DNMT3B: variants seen among roughly 807,000 people sequenced by gnomAD.
The protein encoded by DNMT3B is DNA (cytosine-5)-methyltransferase 3B.
DNMT3B carries 37 observed loss-of-function variants against 120.2 expected under a neutral mutation model. The ratio of observed to expected loss-of-function variants is 0.31; its 90% CI spans 0.24 to 0.40. The LOEUF is 0.40. DNMT3B is among the 10% of genes least tolerant of loss of function. The pLI is 1.00. For missense variants in DNMT3B, 878 were observed against 1,137.3 expected (o/e 0.77, Z 3.28); for synonymous variants, 412 against 442.8 (o/e 0.93, Z 0.87).
rs150944227 is a variant in DNMT3B, at chr20:32,801,136, C to G, written c.1997-142C>G. 5.0e-4 allele frequency: 655 copies of G among 1,314,004 alleles called. 6 individuals carry two copies. The highest frequency in any genetic ancestry group is 2.5e-3 in the South Asian group (207 of 81,486). The allele number at this position is 1,314,004 out of a possible 1,614,324, so 81.4% of individuals were successfully genotyped here. On this transcript the variant is annotated intron_variant, in intron 18 of 22. Transcript: ENST00000328111. ...TGCCCTGCTGCTGCCTGTGTCCCTG[C>G]TGTCATTCAGGTGGACATAGACTGG...
At chr20:32,795,584 C>A (rs1319024802) in intron 11 of DNMT3B, 50 bp downstream of exon 11, 2 of 1,614,148 alleles carry the variant, frequency 1.2e-6, no homozygotes, top group Admixed American at 1.7e-5. Flanking sequence ...GAGGACGCTG[C>A]AGATCAGGAA....
chr20:32,766,918 TTCGCTCTTG>T (rs1022260638), intron 1 of DNMT3B, among the ~76,000 whole-genome samples: 1 of 151,844 alleles, frequency 6.6e-6, no homozygotes, highest in Non-Finnish European at 1.5e-5. Context: ...GAGATGGAGT[TTCGCTCTTG>T]TCGCCCAGGT....
chr20:32,769,005 G>A (rs1008133143), intron 1 of DNMT3B, among the ~76,000 whole-genome samples: 16 of 152,170 alleles, frequency 1.1e-4, no homozygotes, highest in African/African-American at 3.9e-4. Flanking sequence ...GCTGAATTAG[G>A]GGAATTGCTC....
Position 32,788,212 on chromosome 20 carries a change from C to T in DNMT3B, c.655-642C>T, listed in dbSNP as rs538595520. Among the ~76,000 whole-genome samples the T allele has an allele frequency of 5.8e-4, 89 of 152,290 alleles. 1 individual carries two copies. The highest frequency in any genetic ancestry group is 2.1e-3 in the African/African-American group (86 of 41,554). On this transcript the variant is annotated intron_variant, in intron 6 of 22. Coordinates refer to ENST00000328111, the MANE Select transcript of DNMT3B (RefSeq NM_006892.4). The stretch of plus-strand genomic sequence containing the variant: ...GCTTGGGCTCAGAGGCCTGACAATA[C>T]ATATTGTGATTCTGTTCATCAGAGT...
intron 12 of DNMT3B, 80 bp from the exon 13 acceptor site, chr20:32,796,710 A>T: frequency 6.7e-7 from 1 of 1,499,996 alleles, no homozygotes; most frequent in Non-Finnish European, 9.3e-7. Flanking sequence ...GGGAAATCTT[A>T]GGAACTGAGA....
At chr20:32,785,929 G>C (rs1219005221) in intron 4 of DNMT3B, among the ~76,000 whole-genome samples, 1 of 151,236 alleles carries the variant, frequency 6.6e-6, no homozygotes, top group Non-Finnish European at 1.5e-5. Context: ...TGTTGCCCAG[G>C]CTGGAGTGCA....
rs1979419114 is a variant in DNMT3B at position 32,787,286 on chromosome 20, C to G, written c.489C>G (p.Ser163Arg). 2 of 1,614,144 alleles carry G rather than the reference C, an allele frequency of 1.2e-6. No individual in the cohort carries two copies. Among genetic ancestry groups the G allele is most frequent in the Non-Finnish European group, 1.7e-6 (2 of 1,180,052 alleles). The change falls in exon 6 of 23, where the codon AGC (serine) becomes AGG (arginine). Residue 163 changes from serine to arginine, a missense_variant. By Grantham distance (110) the Ser-to-Arg change is moderately radical. Coordinates refer to ENST00000328111, the MANE Select transcript of DNMT3B (RefSeq NM_006892.4). Reference sequence around the variant, plus strand: ...GAACGCCATGGCCGTCCCCTCCCAGCTCTTACCTTACCATCGACCTCACAG... The same window carrying G: ...GAACGCCATGGCCGTCCCCTCCCAGGTCTTACCTTACCATCGACCTCACAG... The part of the protein sequence containing the change: ...SAGTPWPSPP[S>R]SYLTIDLTDD...
At chr20:32,789,157 G>A (rs1979673031) in intron 7 of DNMT3B, 145 bp downstream of exon 7, 1 of 1,257,540 alleles carries the variant, frequency 8.0e-7, no homozygotes, top group African/African-American at 1.5e-5. Context: ...AAAACTTCCT[G>A]TGTTAACCAG....
At chr20:32,769,233 G>A (rs1244140457) in intron 1 of DNMT3B, among the ~76,000 whole-genome samples, 6 of 152,032 alleles carry the variant, frequency 3.9e-5, no homozygotes, top group African/African-American at 4.8e-5. Flanking sequence ...GACTACAGGC[G>A]CCCGCCACCT....
chr20:32,795,791 A>G lies in DNMT3B; in HGVS notation c.1297+97A>G, dbSNP rs1980554299. 3.3e-6 allele frequency: 5 copies of G among 1,516,428 alleles called. No homozygotes were observed. The Admixed American group carries it at 5.1e-5, about 15-fold the overall frequency. The allele number at this position is 1,516,428 out of a possible 1,614,324, so 93.9% of individuals were successfully genotyped here. On this transcript the variant is annotated intron_variant, in intron 12 of 22. Transcript: ENST00000328111. ...CATCCACCCTGTCAGGGTTTAACCC[A>G]GAGCTCTGTTCCTTAACCTCAGGCC...
chr20:32,800,830 T>TC lies in DNMT3B; in HGVS notation c.1906-5_1906-4insC, dbSNP rs750435992. On this transcript the variant is annotated splice_region_variant and splice_polypyrimidine_tract_variant and intron_variant, in intron 17 of 22. Coordinates refer to ENST00000328111, the MANE Select transcript of DNMT3B (RefSeq NM_006892.4). ...CCTCATCCTGACTCTGTCTCTCTCT[T>TC]TCAGATTGAAGAATGGGGCCCATTT... 1.6e-5 allele frequency: 26 copies of TC among 1,611,912 alleles called. No homozygotes were observed. In the Middle Eastern group the frequency reaches 6.6e-4, roughly 41 times the overall value.
At chr20:32,780,129 C>CTT in intron 1 of DNMT3B, 189 bp from the exon 2 acceptor site, 1 of 1,613,820 alleles carries the variant, frequency 6.2e-7, no homozygotes, top group Non-Finnish European at 8.5e-7. Context: ...GAACCAAGTC[C>CTT]TGAGCCTCCA....
At chr20:32,805,312 A>C in intron 20 of DNMT3B, 26 bp from the exon 21 acceptor site, 7 of 1,614,080 alleles carry the variant, frequency 4.3e-6, no homozygotes, top group Non-Finnish European at 5.9e-6. Flanking sequence ...AGCTAGTAAG[A>C]AGTAATGGGT....
chr20:32,771,733 AG>A (rs1222447109), intron 1 of DNMT3B, among the ~76,000 whole-genome samples: 1 of 152,066 alleles, frequency 6.6e-6, no homozygotes, highest in East Asian at 1.9e-4. Context: ...AATAAGAGAT[AG>A]AGTTGGGATG....
Position 32,808,021 on chromosome 20 carries a change from C to T in DNMT3B, c.*118C>T, listed in dbSNP as rs1982159467. 6.4e-7 allele frequency: 1 copy of T among 1,553,964 alleles called. No homozygotes were observed. Among genetic ancestry groups the T allele is most frequent in the Admixed American group, 1.8e-5 (1 of 56,238 alleles). On this transcript the variant is annotated 3_prime_UTR_variant, in exon 23 of 23. Coordinates refer to ENST00000328111, the MANE Select transcript of DNMT3B (RefSeq NM_006892.4). The stretch of plus-strand genomic sequence containing the variant: ...TCAGCTGTGTGGGTCATACCGTGTA[C>T]CTCAGTTCCCTCTTGCTCAGTGGGG...
chr20:32,806,040 C>T (rs1249963852), intron 21 of DNMT3B, among the ~76,000 whole-genome samples, 169 bp from the exon 22 acceptor site: 4 of 152,090 alleles, frequency 2.6e-5, no homozygotes, highest in African/African-American at 7.2e-5. Flanking sequence ...ATTCCTCTCC[C>T]GCGCCTGCCC....
chr20:32,806,394 G>A, intron 22 of DNMT3B, 67 bp downstream of exon 22: 3 of 1,432,384 alleles, frequency 2.1e-6, no homozygotes, highest in Non-Finnish European at 3.0e-6. Flanking sequence ...GACATGGGCA[G>A]GTGCTTACCT....
At position 32,807,751 on chromosome 20, in the gene DNMT3B, G is replaced by A. The variant is rs547940069; in HGVS notation, c.2421-11G>A. The A allele has an allele frequency of 8.7e-6, 14 of 1,613,892 alleles. No individual in the cohort carries two copies. Among genetic ancestry groups the A allele is most frequent in the Non-Finnish European group, 1.1e-5 (13 of 1,180,016 alleles). The stretch of plus-strand genomic sequence containing the variant: ...TTCTGACTTGCTGTCTTTTCACTCC[G>A]GTACCCCCAGGATCTTTGGCTTTCC... On this transcript the variant is annotated splice_polypyrimidine_tract_variant and intron_variant, in intron 22 of 22. Coordinates refer to ENST00000328111, the MANE Select transcript of DNMT3B (RefSeq NM_006892.4).
At chr20:32,801,485 G>C in intron 19 of DNMT3B, 59 bp downstream of exon 19, 1 of 1,608,492 alleles carries the variant, frequency 6.2e-7, no homozygotes, top group South Asian at 1.1e-5. Flanking sequence ...AGCGCTGCTG[G>C]CAGTGATGAT....
Sources: gnomAD v4.1 joint callset for allele counts (sites outside exome capture counted in the v4.1 genomes callset) on GRCh38, gnomAD v4.1.1 for gene constraint, MANE v1.5 for transcripts, NCBI Gene and HGNC (gene_info 2026-07-23, HGNC 2026-07-21) for gene names.